SGIP1: variants seen among roughly 807,000 people sequenced by gnomAD.
The protein encoded by SGIP1 is SH3GL interacting endocytic adaptor 1.
In SGIP1, 38 loss-of-function variants were observed where a neutral mutation model predicts 107.5. The observed-to-expected ratio is 0.35, with a 90% confidence interval of 0.27 to 0.46. The LOEUF is 0.46. Among genes scored for constraint, SGIP1 ranks in the 20% least tolerant of loss-of-function variants. The probability of loss-of-function intolerance (pLI) is 1.00; values close to 1 mark genes in which losing one functional copy is unlikely to be tolerated. For missense variants in SGIP1, 929 were observed against 1,019.5 expected (o/e 0.91, Z 1.21); for synonymous variants, 365 against 366.1 (o/e 1.00, Z 0.03).
chr1:66,551,370 T>C (rs558726896), intron 1 of SGIP1, among the ~76,000 whole-genome samples: 1 of 152,186 alleles, frequency 6.6e-6, no homozygotes, highest in Non-Finnish European at 1.5e-5. Flanking sequence ...ATTGGGCGCA[T>C]CTCCTACTTT....
intron 5 of SGIP1, among the ~76,000 whole-genome samples, chr1:66,640,815 A>G (rs1009938331): frequency 3.3e-5 from 5 of 150,388 alleles, no homozygotes; most frequent in Non-Finnish European, 7.4e-5. Context: ...CTGAAGAAGG[A>G]GGAAAAGAGG....
At chr1:66,620,284 T>C (rs2070647567) in intron 1 of SGIP1, among the ~76,000 whole-genome samples, 1 of 152,202 alleles carries the variant, frequency 6.6e-6, no homozygotes, top group Non-Finnish European at 1.5e-5. Context: ...AATTTTTGTT[T>C]CAAGTTAAAA....
intron 1 of SGIP1, among the ~76,000 whole-genome samples, chr1:66,604,678 T>C (rs2066488437): frequency 6.6e-6 from 1 of 152,206 alleles, no homozygotes; most frequent in Non-Finnish European, 1.5e-5. Context: ...GAATATCCAA[T>C]TCACAAACTA....
intron 18 of SGIP1, among the ~76,000 whole-genome samples, chr1:66,696,656 C>A (rs974782356): frequency 1.2e-4 from 18 of 152,144 alleles, no homozygotes; most frequent in African/African-American, 4.3e-4. Flanking sequence ...GAAAGATGGT[C>A]TGATTTCAAA....
At chr1:66,560,653 G>T (rs1432821482) in intron 1 of SGIP1, among the ~76,000 whole-genome samples, 4 of 152,016 alleles carry the variant, frequency 2.6e-5, no homozygotes, top group African/African-American at 9.7e-5. Context: ...AACAAGAGAT[G>T]CATTGAGTGT....
At chr1:66,534,059 A>C, upstream of SGIP1, 1 of 496,442 alleles carries the variant, frequency 2.0e-6, no homozygotes, top group Non-Finnish European at 3.6e-6. Flanking sequence ...CAGGCTGGCT[A>C]CCATGTGACG....
intron 1 of SGIP1, 38 bp from the exon 2 acceptor site, chr1:66,625,808 TG>T: frequency 6.3e-7 from 1 of 1,579,098 alleles, no homozygotes; most frequent in Non-Finnish European, 8.7e-7. Context: ...ACTTGAATGT[TG>T]CTGAGAGAGT....
intron 1 of SGIP1, among the ~76,000 whole-genome samples, chr1:66,586,595 T>C (rs2062656398): frequency 6.6e-6 from 1 of 152,172 alleles, no homozygotes; most frequent in Admixed American, 6.5e-5. Flanking sequence ...TACTTTCCTT[T>C]ATGCCCTTTA....
chr1:66,557,450 G>A (rs896132940), intron 1 of SGIP1, among the ~76,000 whole-genome samples: 6 of 152,034 alleles, frequency 3.9e-5, no homozygotes, highest in African/African-American at 1.4e-4. Context: ...AAAGTAAACT[G>A]CCTATTTTTT....
At chr1:66,738,833 AT>A (rs2094352547) in intron 21 of SGIP1, among the ~76,000 whole-genome samples, 1 of 152,194 alleles carries the variant, frequency 6.6e-6, no homozygotes, top group African/African-American at 2.4e-5. Flanking sequence ...ATTTATCAAA[AT>A]GTATTCCTAG....
chr1:66,590,273 C>T (rs2063412992), intron 1 of SGIP1, among the ~76,000 whole-genome samples: 1 of 152,106 alleles, frequency 6.6e-6, no homozygotes, highest in Non-Finnish European at 1.5e-5. Flanking sequence ...GATAAAAACA[C>T]ATGTTATTTT....
chr1:66,630,884 A>G (rs1405274626), intron 2 of SGIP1, among the ~76,000 whole-genome samples: 4 of 56,386 alleles, frequency 7.1e-5, no homozygotes, highest in African/African-American at 2.5e-4. Flanking sequence ...AGAAAGAAAG[A>G]AAGAAAGAAA....
rs990552079 is a variant in SGIP1, at chr1:66,746,881, A to G, written c.*3786A>G. ...GATAATTCCAATAACAAAACTGTCA[A>G]AAAAGAATCACTGCTTCTCAAAATA... On this transcript the variant is annotated 3_prime_UTR_variant, in exon 25 of 25. Coordinates refer to ENST00000371037, the MANE Select transcript of SGIP1 (RefSeq NM_032291.4). The G allele has an allele frequency of 6.6e-6, 1 of 152,148 alleles. No homozygotes were observed. Among genetic ancestry groups the G allele is most frequent in the Non-Finnish European group, 1.5e-5 (1 of 67,968 alleles). The allele number at this position is 152,148 out of a possible 1,614,324, so 9.4% of individuals were successfully genotyped here. A position where few individuals can be genotyped will look rare whatever the true frequency, so the allele number is the denominator to read the frequency against.
chr1:66,602,070 G>T (rs1461739033), intron 1 of SGIP1, among the ~76,000 whole-genome samples: 2 of 152,206 alleles, frequency 1.3e-5, no homozygotes, highest in African/African-American at 4.8e-5. Flanking sequence ...ACATAGAGGA[G>T]ACTTCATTAA....
Position 66,745,617 on chromosome 1 carries a change from A to G in SGIP1, c.*2522A>G, listed in dbSNP as rs1039222753. The G allele has an allele frequency of 3.9e-5, 6 of 152,072 alleles. 1 individual carries two copies. Among genetic ancestry groups the G allele is most frequent in the Non-Finnish European group, 8.8e-5 (6 of 67,940 alleles). 9.4% of individuals were successfully genotyped at this position (152,072 alleles called of 1,614,324 possible). ...AGATTCATTTATTCATTTTATTCCC[A>G]AGTCAGAACAAAATGAACTAGTAGG... On this transcript the variant is annotated 3_prime_UTR_variant, in exon 25 of 25. Coordinates refer to ENST00000371037, the MANE Select transcript of SGIP1 (RefSeq NM_032291.4).
At chr1:66,694,476 G>T in intron 17 of SGIP1, 9 of 1,607,286 alleles carry the variant, frequency 5.6e-6, no homozygotes, top group Non-Finnish European at 7.6e-6. Flanking sequence ...AACTGCCCTC[G>T]TTTGAAAGGC....
At chr1:66,702,932 A>C (rs1271342282) in intron 18 of SGIP1, among the ~76,000 whole-genome samples, 1 of 152,208 alleles carries the variant, frequency 6.6e-6, no homozygotes, top group Non-Finnish European at 1.5e-5. Context: ...AGGACTTCTC[A>C]TCTGACTGGA....
intron 2 of SGIP1, among the ~76,000 whole-genome samples, chr1:66,631,126 T>C (rs1483268485): frequency 6.6e-6 from 1 of 151,794 alleles, no homozygotes; most frequent in African/African-American, 2.4e-5. Flanking sequence ...ACTCAGTATA[T>C]AGATACAAAA....
intron 1 of SGIP1, among the ~76,000 whole-genome samples, chr1:66,596,408 G>A (rs2064715450): frequency 1.3e-5 from 2 of 152,118 alleles, no homozygotes; most frequent in Admixed American, 6.6e-5. Flanking sequence ...TCAGAATGGG[G>A]AGTGTGTGCT....
Sources: gnomAD v4.1 joint callset for allele counts (sites outside exome capture counted in the v4.1 genomes callset) on GRCh38, gnomAD v4.1.1 for gene constraint, MANE v1.5 for transcripts, NCBI Gene and HGNC (gene_info 2026-07-23, HGNC 2026-07-21) for gene names.